Variants in ITGA9 observed in about 807,000 individuals in gnomAD.
The protein encoded by ITGA9 is integrin subunit alpha 9.
Under a neutral mutation model 127.8 loss-of-function variants are expected in ITGA9, and 56 were observed. The observed-to-expected ratio is 0.44, with a 90% CI of 0.35 to 0.55. ITGA9 has a LOEUF of 0.55. Among genes scored for constraint, ITGA9 ranks in the 20% least tolerant of loss-of-function variants. The pLI is 0.00. For synonymous variants in ITGA9, 508 were observed against 514.5 expected, an observed-to-expected ratio of 0.99 and a Z score of 0.17; for missense variants, 1,196 against 1,347.1, an observed-to-expected ratio of 0.89 and a Z score of 1.76.
In ITGA9 at chr3:37,784,990, T is replaced by C; in HGVS notation, c.2801T>C (p.Val934Ala). ...TTTCTTCCACAGGACAGTTCGTCTG[T>C]CATCCAGTTCATGTCCCGCGCCAAG... ...TEILKKDSSSVIQFMSRAKVK... is the reference protein window; with the variant it reads ...TEILKKDSSSAIQFMSRAKVK... Residue 934 changes from valine to alanine, a missense_variant, in exon 26 of 28, where the codon GTC (valine) becomes GCC (alanine). Physicochemically the swap from Val to Ala is moderately conservative, Grantham distance 64. Transcript: ENST00000264741. 6.2e-7 allele frequency: 1 copy of C among 1,613,988 alleles called. No homozygotes were observed. The highest frequency in any genetic ancestry group is 1.3e-5 in the African/African-American group (1 of 75,030).
At chr3:37,784,095 C>T (rs1262632621) in intron 25 of ITGA9, among the ~76,000 whole-genome samples, 1 of 152,180 alleles carries the variant, frequency 6.6e-6, no homozygotes, top group East Asian at 1.9e-4. Context: ...CTGTGGAGCC[C>T]CTCCTGCCCC....
At chr3:37,677,514 G>T (rs1177502115) in intron 17 of ITGA9, among the ~76,000 whole-genome samples, 1 of 152,106 alleles carries the variant, frequency 6.6e-6, no homozygotes, top group Admixed American at 6.5e-5. Context: ...TATTCTCCCA[G>T]TATTCTAAAA....
At chr3:37,818,838 T>C in intron 27 of ITGA9, 53 bp from the exon 28 acceptor site, 1 of 1,384,520 alleles carries the variant, frequency 7.2e-7, no homozygotes. Context: ...GGGGTCACAA[T>C]GGCTGATTCT....
At chr3:37,546,958 C>T (rs1699332309) in intron 15 of ITGA9, among the ~76,000 whole-genome samples, 1 of 152,160 alleles carries the variant, frequency 6.6e-6, no homozygotes, top group African/African-American at 2.4e-5. Context: ...GATCAAATAC[C>T]TATGCATGAC....
At chr3:37,646,509 G>T (rs1238830886) in intron 16 of ITGA9, among the ~76,000 whole-genome samples, 1 of 152,266 alleles carries the variant, frequency 6.6e-6, no homozygotes, top group Admixed American at 6.5e-5. Context: ...CCAGTCTTCA[G>T]CTCTCTGAAG....
At chr3:37,676,454 A>G (rs1260271839) in intron 17 of ITGA9, among the ~76,000 whole-genome samples, 1 of 152,198 alleles carries the variant, frequency 6.6e-6, no homozygotes, top group African/African-American at 2.4e-5. Context: ...AGCAGTTCCC[A>G]TCAGTCATTG....
At chr3:37,548,487 A>AG (rs1699349301) in intron 15 of ITGA9, among the ~76,000 whole-genome samples, 1 of 152,226 alleles carries the variant, frequency 6.6e-6, no homozygotes. Context: ...TGTTAAAAAA[A>AG]GTTTCGTGGA....
At chr3:37,453,125 C>G (rs938579383) in intron 1 of ITGA9, among the ~76,000 whole-genome samples, 14 of 151,258 alleles carry the variant, frequency 9.3e-5, no homozygotes, top group African/African-American at 1.7e-4. Flanking sequence ...GCCCCCCCCC[C>G]CCCCCAGCTC....
chr3:37,568,446 T>C (rs1699569591), intron 15 of ITGA9, among the ~76,000 whole-genome samples: 1 of 152,252 alleles, frequency 6.6e-6, no homozygotes, highest in Non-Finnish European at 1.5e-5. Context: ...TCCTCAGTAC[T>C]TATGCAAATT....
At chr3:37,523,962 T>C (rs1166535680) in intron 12 of ITGA9, among the ~76,000 whole-genome samples, 5 of 152,210 alleles carry the variant, frequency 3.3e-5, no homozygotes, top group Non-Finnish European at 4.4e-5. Context: ...CAAAGGCTTC[T>C]TACTCTTGAG....
In ITGA9 at chr3:37,492,459, G is replaced by C. The variant is rs544932653; in HGVS notation, c.545-2042G>C. Among the ~76,000 whole-genome samples the C allele has an allele frequency of 5.3e-5, 8 of 152,356 alleles. No individual in the cohort carries two copies. The East Asian group carries it at 1.3e-3, about 26-fold the overall frequency. ...CTGGCCTTCAGCCTGGGCCAGAAGT[G>C]GGGTATTCTTAGCTCCCAGTGAGGC... On this transcript the variant is annotated intron_variant, in intron 4 of 27. Coordinates refer to ENST00000264741, the MANE Select transcript of ITGA9 (RefSeq NM_002207.3).
At chr3:37,548,153 A>C (rs1699345630) in intron 15 of ITGA9, among the ~76,000 whole-genome samples, 1 of 152,234 alleles carries the variant, frequency 6.6e-6, no homozygotes, top group Non-Finnish European at 1.5e-5. Context: ...ACACACAATA[A>C]CATGAATGAC....
chr3:37,772,109 A>C (rs1696851859), intron 23 of ITGA9, among the ~76,000 whole-genome samples: 1 of 152,086 alleles, frequency 6.6e-6, no homozygotes, highest in Non-Finnish European at 1.5e-5. Flanking sequence ...CTCCATCTGT[A>C]AAATGGGGAC....
intron 23 of ITGA9, among the ~76,000 whole-genome samples, chr3:37,763,263 C>T (rs956198013): frequency 6.6e-5 from 10 of 152,302 alleles, no homozygotes; most frequent in South Asian, 4.1e-4. Flanking sequence ...TAATTTTAAA[C>T]GGAGTGGTCA....
chr3:37,608,138 T>C (rs931130863), intron 15 of ITGA9, among the ~76,000 whole-genome samples: 8 of 152,220 alleles, frequency 5.3e-5, no homozygotes, highest in Non-Finnish European at 1.5e-5. Context: ...TGGGGGCATC[T>C]GTGTACTCTT....
At chr3:37,546,480 A>G (rs1699327468) in intron 15 of ITGA9, among the ~76,000 whole-genome samples, 2 of 152,176 alleles carry the variant, frequency 1.3e-5, no homozygotes, top group Non-Finnish European at 2.9e-5. Context: ...CTCTGCTTTG[A>G]TCAGATGTGC....
chr3:37,628,324 C>T (rs964167059), intron 15 of ITGA9, among the ~76,000 whole-genome samples: 11 of 152,240 alleles, frequency 7.2e-5, no homozygotes, highest in African/African-American at 1.2e-4. Flanking sequence ...TTTACTCCTG[C>T]GTCTAACTCT....
chr3:37,607,702 C>A (rs71323629), intron 15 of ITGA9, among the ~76,000 whole-genome samples: 6,598 of 152,138 alleles, frequency 0.043, 202 homozygotes, highest in Non-Finnish European at 0.067. Context: ...TAGAATATAA[C>A]TTTTACAGGG....
At chr3:37,490,967 C>CCCG (rs1553641996) in intron 4 of ITGA9, among the ~76,000 whole-genome samples, 1 of 45,706 alleles carries the variant, frequency 2.2e-5, no homozygotes, top group African/African-American at 4.7e-5. Flanking sequence ...GATTTGGCTT[C>CCCG]CCCCCCGCTT....
Sources: gnomAD v4.1 joint callset for allele counts (sites outside exome capture counted in the v4.1 genomes callset) on GRCh38, gnomAD v4.1.1 for gene constraint, MANE v1.5 for transcripts, NCBI Gene and HGNC (gene_info 2026-07-23, HGNC 2026-07-21) for gene names.